The following SETD3 variants were observed in gnomAD, a reference collection of about 807,000 sequenced individuals.
The protein encoded by SETD3 is SET domain containing 3, actin N3(tau)-histidine methyltransferase.
Under a neutral mutation model 63.0 loss-of-function variants are expected in SETD3, and 19 were observed. That is an observed-to-expected ratio of 0.30 (90% CI 0.21 to 0.44). The LOEUF (loss-of-function observed/expected upper bound fraction) is 0.44. SETD3 is among the 20% of genes least tolerant of loss of function. SETD3 has a pLI of 1.00. For missense variants in SETD3, 587 were observed against 728.5 expected, an observed-to-expected ratio of 0.81 and a Z score of 2.24; for synonymous variants, 286 against 264.1, an observed-to-expected ratio of 1.08 and a Z score of -0.80.
At position 99,461,297 on chromosome 14, in the gene SETD3, A is replaced by G; in HGVS notation, c.240T>C (p.Pro80=). The G allele has an allele frequency of 1.2e-6, 2 of 1,614,218 alleles. No individual in the cohort carries two copies. The highest frequency in any genetic ancestry group is 1.7e-6 in the Non-Finnish European group (2 of 1,180,042). The change falls in exon 4 of 13, where the codon CCT becomes CCC. Residue 80 remains proline, a synonymous_variant. Transcript: ENST00000331768. ...TFDGKREDYF[P]DLMKWASENG... ...TTTCAGAGGCCCATTTCATTAGATC[A>G]GGAAAGTAATCTTCTCTTTTTCCAT... is the stretch of plus-strand genomic sequence containing the variant.
chr14:99,404,429 G>A (rs949799677), intron 10 of SETD3, 119 bp from the exon 11 acceptor site: 25 of 832,338 alleles, frequency 3.0e-5, no homozygotes, highest in African/African-American at 5.1e-5. Context: ...AGCTGGAATG[G>A]GTCATTCCAG....
chr14:99,401,533 T>C (rs768542080), intron 11 of SETD3, among the ~76,000 whole-genome samples: 6 of 152,212 alleles, frequency 3.9e-5, no homozygotes, highest in Non-Finnish European at 8.8e-5. Flanking sequence ...ACATGACAAA[T>C]TGTCTATGAC....
At chr14:99,399,988 G>A (rs185132298) in intron 12 of SETD3, 111 bp downstream of exon 12, 41 of 949,834 alleles carry the variant, frequency 4.3e-5, no homozygotes, top group Admixed American at 8.8e-5. Context: ...GATCCGCCCC[G>A]CCTCGACCTC....
chr14:99,470,910 C>T (rs1245243293), intron 1 of SETD3, among the ~76,000 whole-genome samples: 1 of 152,214 alleles, frequency 6.6e-6, no homozygotes, highest in Admixed American at 6.5e-5. Flanking sequence ...CCCACCTTCC[C>T]TCAGCCCCCT....
chr14:99,429,724 G>T (rs1893070364), intron 6 of SETD3, among the ~76,000 whole-genome samples: 1 of 152,216 alleles, frequency 6.6e-6, no homozygotes, highest in East Asian at 1.9e-4. Context: ...GTTAAAACGT[G>T]AGGAAGAGGT....
chr14:99,418,474 A>G (rs1892398138), intron 6 of SETD3, among the ~76,000 whole-genome samples: 1 of 152,116 alleles, frequency 6.6e-6, no homozygotes, highest in Non-Finnish European at 1.5e-5. Context: ...AAACTCTCAC[A>G]TTTGGCCTTT....
chr14:99,468,211 G>A (rs1895502960), intron 1 of SETD3, among the ~76,000 whole-genome samples: 1 of 150,012 alleles, frequency 6.7e-6, no homozygotes, highest in African/African-American at 2.5e-5. Context: ...AAATACCATG[G>A]GATATGGCCC....
Position 99,465,731 on chromosome 14 carries a change from G to A in SETD3, c.75C>T (p.Ile25=). Residue 25 remains isoleucine (I), a synonymous_variant, in exon 2 of 13, where the codon ATC becomes ATT. Transcript: ENST00000331768. ...GCAGCAGCTCACTGGTCAGGTTCAA[G>A]ATTTCCTTTGGTGACACAGTTGCTG... ...GATATVSPKE[I]LNLTSELLQK... is the part of the protein sequence containing the mutation. The A allele has an allele frequency of 6.2e-7, 1 of 1,614,034 alleles. No homozygotes were observed. The highest frequency in any genetic ancestry group is 8.5e-7 in the Non-Finnish European group (1 of 1,179,948).
At chr14:99,409,169 T>C (rs1891841478) in intron 8 of SETD3, among the ~76,000 whole-genome samples, 1 of 152,128 alleles carries the variant, frequency 6.6e-6, no homozygotes, top group Admixed American at 6.6e-5. Context: ...CCTCCCACAC[T>C]GCCAGCTAAC....
At chr14:99,450,684 C>T (rs1412285401) in intron 6 of SETD3, among the ~76,000 whole-genome samples, 1 of 152,238 alleles carries the variant, frequency 6.6e-6, no homozygotes, top group Non-Finnish European at 1.5e-5. Context: ...AGTTGATACA[C>T]ATATGAGTTT....
chr14:99,475,433 C>T (rs1251159231), intron 1 of SETD3, among the ~76,000 whole-genome samples: 1 of 152,248 alleles, frequency 6.6e-6, no homozygotes, highest in African/African-American at 2.4e-5. Context: ...AAAGGCAGCT[C>T]CAAAGCTTCG....
In SETD3 at chr14:99,412,863, G is replaced by A. The variant is rs117571259; in HGVS notation, c.849+88C>T. On this transcript the variant is annotated intron_variant, in intron 8 of 12. Transcript: ENST00000331768. ...TGGAGGGAGGCAACGGGGGGAGTAC[G>A]ATGGGTAGGTGGAATAACAGCCCCC... 25 of 925,440 alleles carry A rather than the reference G, an allele frequency of 2.7e-5. No individual in the cohort carries two copies. The Admixed American group carries it at 3.4e-4, about 13-fold the overall frequency. The allele number at this position is 925,440 out of a possible 1,614,324, so 57.3% of individuals were successfully genotyped here. A position where few individuals can be genotyped will look rare whatever the true frequency, so the allele number is the denominator to read the frequency against.
At chr14:99,468,540 G>A (rs1199389169) in intron 1 of SETD3, among the ~76,000 whole-genome samples, 2 of 152,056 alleles carry the variant, frequency 1.3e-5, no homozygotes, top group Non-Finnish European at 2.9e-5. Flanking sequence ...CAGTCACCCT[G>A]GAATAAAAGG....
intron 1 of SETD3, among the ~76,000 whole-genome samples, chr14:99,480,345 G>A (rs988531682): frequency 3.3e-5 from 5 of 152,042 alleles, no homozygotes; most frequent in Non-Finnish European, 5.9e-5. Flanking sequence ...CGCGAGGGCC[G>A]GGGACAGCGG....
At chr14:99,443,707 G>C (rs1053445850) in intron 6 of SETD3, among the ~76,000 whole-genome samples, 7 of 152,166 alleles carry the variant, frequency 4.6e-5, no homozygotes, top group Non-Finnish European at 1.0e-4. Context: ...TGCTTCACTG[G>C]TGAGTAAAAA....
intron 6 of SETD3, among the ~76,000 whole-genome samples, chr14:99,455,965 G>A (rs540831341): frequency 2.0e-4 from 31 of 152,322 alleles, no homozygotes; most frequent in Admixed American, 4.6e-4. Context: ...GACCAGCCTC[G>A]CCAACGTGGC....
At chr14:99,459,212 A>C in intron 4 of SETD3, 27 bp from the exon 5 acceptor site, 1 of 1,527,338 alleles carries the variant, frequency 6.5e-7, no homozygotes, top group Non-Finnish European at 9.1e-7. Context: ...TAATAGGAGA[A>C]TCATCAAAAC....
chr14:99,458,435 C>G lies in SETD3; in HGVS notation c.519G>C (p.Gln173His). 1 of 1,614,088 alleles carries G rather than the reference C, an allele frequency of 6.2e-7. No homozygotes were observed. The highest frequency in any genetic ancestry group is 1.1e-5 in the South Asian group (1 of 91,082). Residue 173 changes from glutamine (Q) to histidine (H), a missense_variant, in exon 6 of 13, where the codon CAG (glutamine) becomes CAC (histidine). Physicochemically the swap from Gln to His is conservative, Grantham distance 24 (BLOSUM62 0). Transcript: ENST00000331768. ...CACTGGGGAGGGTTTGAATATAGGG[C>G]TGCCAGAAGGAGTTAGGGCTGGCTC... ...CERASPNSFW[Q>H]PYIQTLPSEY... is the part of the protein sequence containing the mutation.
intron 6 of SETD3, among the ~76,000 whole-genome samples, chr14:99,424,204 A>G (rs533456677): frequency 6.6e-6 from 1 of 152,352 alleles, no homozygotes; most frequent in East Asian, 1.9e-4. Flanking sequence ...CATAGATGAG[A>G]AAAGACTTCA....
Sources: allele counts gnomAD v4.1 joint callset (sites outside exome capture counted in the v4.1 genomes callset), GRCh38; gene constraint gnomAD v4.1.1; transcripts MANE v1.5; gene names NCBI Gene and HGNC (gene_info 2026-07-23, HGNC 2026-07-21).